Variants in ALG14 observed in about 807,000 individuals in gnomAD.
ALG14 encodes UDP-N-acetylglucosamine transferase subunit ALG14.
A neutral mutation model predicts 22.8 loss-of-function variants in ALG14; 17 were observed. The observed-to-expected ratio is 0.75, with a 90% confidence interval of 0.51 to 1.12. ALG14 has a LOEUF of 1.12. ALG14 is among the 50% of genes most tolerant of loss of function. The pLI, the probability that ALG14 is intolerant of heterozygous loss-of-function variation, is 0.00. For missense variants in ALG14, 288 were observed against 271.8 expected (o/e 1.06, Z -0.42); for synonymous variants, 89 against 103.7 (o/e 0.86, Z 0.86).
intron 3 of ALG14, among the ~76,000 whole-genome samples, chr1:94,988,789 G>C (rs1400459049): frequency 6.6e-6 from 1 of 152,126 alleles, no homozygotes; most frequent in Non-Finnish European, 1.5e-5. Context: ...AAAAATAGTG[G>C]CATAGAAAGT....
At chr1:94,997,396 T>G (rs986014194) in intron 3 of ALG14, among the ~76,000 whole-genome samples, 2 of 152,184 alleles carry the variant, frequency 1.3e-5, no homozygotes, top group Non-Finnish European at 2.9e-5. Context: ...AAGGAAGAGA[T>G]TCTCAACCAC....
intron 2 of ALG14, among the ~76,000 whole-genome samples, chr1:95,058,380 G>A (rs1360880056): frequency 6.6e-6 from 1 of 150,400 alleles, no homozygotes; most frequent in African/African-American, 2.4e-5. Context: ...TTGGGAGGCT[G>A]AGGAGGTGGG....
intron 3 of ALG14, among the ~76,000 whole-genome samples, chr1:95,006,717 G>T (rs191401722): frequency 7.4e-4 from 112 of 152,328 alleles, no homozygotes; most frequent in African/African-American, 2.6e-3. Context: ...GTATCTTCCC[G>T]ACAAAGGTCT....
At chr1:94,995,042 T>G (rs1365888065) in intron 3 of ALG14, among the ~76,000 whole-genome samples, 2 of 152,212 alleles carry the variant, frequency 1.3e-5, no homozygotes. Flanking sequence ...CTTAAGTAGG[T>G]AAGTGATATT....
At chr1:95,054,381 G>T (rs777923557) in intron 2 of ALG14, among the ~76,000 whole-genome samples, 2 of 152,160 alleles carry the variant, frequency 1.3e-5, no homozygotes, top group Non-Finnish European at 2.9e-5. Context: ...CTCTGCCCAT[G>T]TGAAGTGCTG....
intron 3 of ALG14, among the ~76,000 whole-genome samples, chr1:94,997,415 T>G (rs7533303): frequency 0.57 from 86,437 of 152,098 alleles, 25,721 homozygotes; most frequent in East Asian, 0.81. Context: ...ACTATGGTGA[T>G]AATATTAAAC....
At chr1:95,024,140 C>G (rs1029611220) in intron 3 of ALG14, among the ~76,000 whole-genome samples, 1 of 152,114 alleles carries the variant, frequency 6.6e-6, no homozygotes, top group Non-Finnish European at 1.5e-5. Flanking sequence ...TTCGATCCGG[C>G]TAATTTTTTT....
rs138629132 is a variant in ALG14, at chr1:95,070,090, G to A, written c.136+2673C>T. Reference sequence around the variant, plus strand: ...AATTATCTGATCTACCTTGTTTGACGGTAGGTCATAAGACCCCCATTCCAG... The same window carrying A: ...AATTATCTGATCTACCTTGTTTGACAGTAGGTCATAAGACCCCCATTCCAG... On this transcript the variant is annotated intron_variant, in intron 1 of 3. Transcript: ENST00000370205. 3.5e-3 allele frequency among the ~76,000 whole-genome samples: 528 copies of A among 152,130 alleles called. 4 individuals carry two copies. Among genetic ancestry groups the A allele is most frequent in the African/African-American group, 0.012 (509 of 41,498 alleles).
chr1:95,009,787 T>C (rs1466458500), intron 3 of ALG14, among the ~76,000 whole-genome samples: 1 of 152,132 alleles, frequency 6.6e-6, no homozygotes, highest in Non-Finnish European at 1.5e-5. Flanking sequence ...GGTAATAAAG[T>C]CTGTAATTTA....
intron 3 of ALG14, among the ~76,000 whole-genome samples, chr1:94,985,392 T>G (rs1672616645): frequency 6.6e-6 from 1 of 152,176 alleles, no homozygotes; most frequent in African/African-American, 2.4e-5. Context: ...CCCACAAGAT[T>G]CCAGTAATCA....
intron 3 of ALG14, among the ~76,000 whole-genome samples, chr1:94,995,352 A>T (rs1279094014): frequency 2.0e-5 from 3 of 152,246 alleles, no homozygotes; most frequent in Non-Finnish European, 4.4e-5. Flanking sequence ...AATGAAACAG[A>T]GGCAAGGAGG....
intron 2 of ALG14, among the ~76,000 whole-genome samples, chr1:95,036,224 A>T (rs1674189623): frequency 6.6e-6 from 1 of 152,018 alleles, no homozygotes; most frequent in South Asian, 2.1e-4. Flanking sequence ...CCAAGTGGAG[A>T]TAATTGAATC....
rs556368455 is a variant in ALG14, at chr1:95,033,434, C to A, written c.289-6174G>T. Among the ~76,000 whole-genome samples the A allele has an allele frequency of 4.0e-5, 6 of 150,766 alleles. No homozygotes were observed. The East Asian group carries it at 1.2e-3, about 29-fold the overall frequency. On this transcript the variant is annotated intron_variant, in intron 2 of 3. Coordinates refer to ENST00000370205, the MANE Select transcript of ALG14 (RefSeq NM_144988.4). ...ATATATATATATACACACACACACACACACACACACATACATATATATACA... is the reference window on the plus strand; with the variant it reads ...ATATATATATATACACACACACACAAACACACACACATACATATATATACA...
intron 3 of ALG14, among the ~76,000 whole-genome samples, chr1:95,004,252 C>A (rs189778964): frequency 7.0e-6 from 1 of 141,994 alleles, no homozygotes; most frequent in Non-Finnish European, 1.5e-5. Flanking sequence ...GACAGCGTCT[C>A]GCTCTATCAC....
At chr1:95,038,493 CAACAAACA>C (rs775946761) in intron 2 of ALG14, among the ~76,000 whole-genome samples, 1 of 151,376 alleles carries the variant, frequency 6.6e-6, no homozygotes, top group African/African-American at 2.4e-5. Flanking sequence ...ATCTCAAAAA[CAACAAACA>C]AACAAACAAA....
chr1:94,983,012 T>TC lies in ALG14; in HGVS notation c.*63dup, dbSNP rs979844768. 5.0e-6 allele frequency: 7 copies of TC among 1,395,028 alleles called. No homozygotes were observed. The highest frequency in any genetic ancestry group is 4.3e-5 in the African/African-American group (3 of 69,764). 86.4% of individuals were successfully genotyped at this position (1,395,028 alleles called of 1,614,324 possible). A position where few individuals can be genotyped will look rare whatever the true frequency, so the allele number is the denominator to read the frequency against. On this transcript the variant is annotated 3_prime_UTR_variant, in exon 4 of 4. Transcript: ENST00000370205. ...TTACAAGAAACATGTAGGGTTTTTT[T>TC]CCCCCCAATTTGAGTACATACTACT...
intron 3 of ALG14, among the ~76,000 whole-genome samples, chr1:95,016,698 T>A (rs1673503049): frequency 6.6e-6 from 1 of 152,136 alleles, no homozygotes. Context: ...TTATATGGCA[T>A]GCATTTAGTC....
chr1:95,022,539 T>C (rs1557957989), intron 3 of ALG14, among the ~76,000 whole-genome samples: 1 of 152,150 alleles, frequency 6.6e-6, no homozygotes, highest in South Asian at 2.1e-4. Context: ...AGCGCATATA[T>C]GGAGAGGAAA....
At chr1:95,027,321 T>C in intron 2 of ALG14, 61 bp from the exon 3 acceptor site, 1 of 1,560,920 alleles carries the variant, frequency 6.4e-7, no homozygotes, top group Non-Finnish European at 8.8e-7. Flanking sequence ...TTAAACATAG[T>C]AACAATTAAC....
Sources: gnomAD v4.1 joint callset for allele counts (sites outside exome capture counted in the v4.1 genomes callset) on GRCh38, gnomAD v4.1.1 for gene constraint, MANE v1.5 for transcripts, NCBI Gene and HGNC (gene_info 2026-07-23, HGNC 2026-07-21) for gene names.